RYR3: variants seen among roughly 807,000 people sequenced by gnomAD.
RYR3 encodes brain ryanodine receptor-calcium release channel.
Under a neutral mutation model 584.3 loss-of-function variants are expected in RYR3, and 207 were observed. The ratio of observed to expected loss-of-function variants is 0.35; its 90% confidence interval spans 0.32 to 0.40. RYR3 has a LOEUF of 0.40. Ranked by LOEUF, RYR3 falls within the 10% of genes least tolerant of loss-of-function variation. The pLI, the probability that RYR3 is intolerant of heterozygous loss-of-function variation, is 1.00. For missense variants in RYR3, 5,616 were observed against 6,089.2 expected (o/e 0.92, Z 2.59); for synonymous variants, 2,416 against 2,248.5 (o/e 1.07, Z -2.11).
intron 10 of RYR3, among the ~76,000 whole-genome samples, chr15:33,560,267 T>C (rs2057329147): frequency 6.6e-6 from 1 of 152,206 alleles, no homozygotes; most frequent in African/African-American, 2.4e-5. Flanking sequence ...TTCATATGGA[T>C]TTTGTCTCTA....
At chr15:33,737,485 CT>C (rs988665223) in intron 49 of RYR3, among the ~76,000 whole-genome samples, 1 of 152,178 alleles carries the variant, frequency 6.6e-6, no homozygotes. Context: ...TTTAACAGCA[CT>C]TTCCTTTATA....
chr15:33,397,374 C>T (rs1348741325), intron 1 of RYR3, among the ~76,000 whole-genome samples: 1 of 152,254 alleles, frequency 6.6e-6, no homozygotes, highest in Non-Finnish European at 1.5e-5. Flanking sequence ...CCCACGTTCA[C>T]TTTGGAGTGG....
chr15:33,860,810 T>C (rs930980061), intron 101 of RYR3, among the ~76,000 whole-genome samples, 151 bp downstream of exon 101: 3 of 150,602 alleles, frequency 2.0e-5, no homozygotes, highest in Non-Finnish European at 4.4e-5. Context: ...CACCCTGCCA[T>C]ACCCCTGCCA....
At position 33,633,746 on chromosome 15, in the gene RYR3, T is replaced by TGTATAGGG. The variant is rs879668812; in HGVS notation, c.3027+638_3027+639insGTATAGGG. Among the ~76,000 whole-genome samples, 144 of 152,328 alleles carry TGTATAGGG rather than the reference T, an allele frequency of 9.5e-4. 3 individuals are homozygous for TGTATAGGG. In the East Asian group the frequency reaches 0.024, roughly 26 times the overall value. ...TATACATATGAGTTTGGGTGACTTA[T>TGTATAGGG]CACTACAATTGTCCCTATTGTCTTC... On this transcript the variant is annotated intron_variant, in intron 24 of 103. Transcript: ENST00000634891.
intron 32 of RYR3, among the ~76,000 whole-genome samples, chr15:33,655,226 C>T (rs985742652): frequency 6.6e-6 from 1 of 152,178 alleles, no homozygotes; most frequent in Non-Finnish European, 1.5e-5. Flanking sequence ...TCTTCTAGTA[C>T]TTTTTCATGA....
chr15:33,344,571 AGT>A (rs1972212430), intron 1 of RYR3, among the ~76,000 whole-genome samples: 1 of 152,078 alleles, frequency 6.6e-6, no homozygotes, highest in African/African-American at 2.4e-5. Flanking sequence ...TCCCAGGTGG[AGT>A]GTTTTTGTTC....
intron 1 of RYR3, among the ~76,000 whole-genome samples, chr15:33,338,177 C>T (rs952694389): frequency 1.3e-5 from 2 of 151,942 alleles, no homozygotes; most frequent in African/African-American, 4.8e-5. Flanking sequence ...GATCTTCTGA[C>T]CTTGTGATCT....
chr15:33,344,007 C>A (rs1324377467), intron 1 of RYR3, among the ~76,000 whole-genome samples: 2 of 152,216 alleles, frequency 1.3e-5, no homozygotes, highest in Non-Finnish European at 2.9e-5. Context: ...AGAAAAAAAT[C>A]TCTGCCAAAG....
chr15:33,339,117 A>C (rs1242984477), intron 1 of RYR3, among the ~76,000 whole-genome samples: 5 of 152,216 alleles, frequency 3.3e-5, no homozygotes, highest in African/African-American at 1.2e-4. Context: ...ACACAAAGGA[A>C]AAAGCGGACA....
In RYR3 at chr15:33,725,975, C is replaced by A. The variant is rs1220577277; in HGVS notation, c.6913-411C>A. Among the ~76,000 whole-genome samples the A allele has an allele frequency of 1.1e-3, 11 of 10,058 alleles. 1 individual carries two copies. The highest frequency in any genetic ancestry group is 0.026 in the East Asian group (1 of 38). 6.6% of individuals were successfully genotyped at this position (10,058 alleles called of 152,430 possible). Reference sequence around the variant, plus strand: ...ACAGAGCAAGACTCCATCCCCCCCCCCAAAAAAAAAAAAAAAAAAAAACAG... The same window carrying A: ...ACAGAGCAAGACTCCATCCCCCCCCACAAAAAAAAAAAAAAAAAAAAACAG... On this transcript the variant is annotated intron_variant, in intron 45 of 103. Transcript: ENST00000634891.
intron 1 of RYR3, among the ~76,000 whole-genome samples, chr15:33,348,616 C>T (rs1972778794): frequency 6.6e-6 from 1 of 152,152 alleles, no homozygotes; most frequent in South Asian, 2.1e-4. Flanking sequence ...GCTGGGACTA[C>T]AGGCGTGCGC....
chr15:33,795,022 A>G (rs1404583940), intron 67 of RYR3, among the ~76,000 whole-genome samples: 2 of 152,108 alleles, frequency 1.3e-5, no homozygotes, highest in South Asian at 4.1e-4. Context: ...TCAAAGGATA[A>G]CTCCTACCTA....
intron 8 of RYR3, among the ~76,000 whole-genome samples, chr15:33,544,670 G>A (rs2056102587): frequency 6.6e-6 from 1 of 152,098 alleles, no homozygotes; most frequent in South Asian, 2.1e-4. Flanking sequence ...GTATTATTAT[G>A]CACCTTAGAA....
At chr15:33,661,611 A>G (rs916622300) in intron 34 of RYR3, among the ~76,000 whole-genome samples, 2 of 152,084 alleles carry the variant, frequency 1.3e-5, no homozygotes, top group Non-Finnish European at 2.9e-5. Flanking sequence ...TCAGATCATC[A>G]GGCGTTAGAT....
chr15:33,451,310 C>A (rs772658654), intron 1 of RYR3, among the ~76,000 whole-genome samples: 3 of 152,166 alleles, frequency 2.0e-5, no homozygotes. Flanking sequence ...TCTCTCTCTA[C>A]CCCTTCCCCA....
intron 49 of RYR3, 27 bp downstream of exon 49, chr15:33,736,352 A>G (rs774223547): frequency 1.6e-5 from 24 of 1,492,728 alleles, no homozygotes; most frequent in Non-Finnish European, 2.1e-5. Context: ...TTACAGAAAT[A>G]CAGTCTATTG....
intron 10 of RYR3, among the ~76,000 whole-genome samples, chr15:33,553,059 T>C (rs2056803948): frequency 6.6e-6 from 1 of 152,138 alleles, no homozygotes; most frequent in Non-Finnish European, 1.5e-5. Flanking sequence ...AGATAGCGGT[T>C]CAGGATCTGT....
chr15:33,852,118 G>A (rs966364443), intron 94 of RYR3: 4 of 150,948 alleles, frequency 2.6e-5, no homozygotes, highest in African/African-American at 9.8e-5. Flanking sequence ...AACTTGGGTG[G>A]TCTCTGGAGA....
At chr15:33,483,722 A>G (rs1036709682) in intron 2 of RYR3, among the ~76,000 whole-genome samples, 2 of 152,214 alleles carry the variant, frequency 1.3e-5, no homozygotes, top group African/African-American at 4.8e-5. Context: ...GCTGTCTTAT[A>G]TAGCTTATGA....
Sources: gnomAD v4.1 joint callset for allele counts (sites outside exome capture counted in the v4.1 genomes callset) on GRCh38, gnomAD v4.1.1 for gene constraint, MANE v1.5 for transcripts, NCBI Gene and HGNC (gene_info 2026-07-23, HGNC 2026-07-21) for gene names.